ADAMTS8: variants seen among roughly 807,000 people sequenced by gnomAD.
The protein encoded by ADAMTS8 is A disintegrin and metalloproteinase with thrombospondin motifs 8.
ADAMTS8 carries 50 observed loss-of-function variants against 64.4 expected under a neutral mutation model. The ratio of observed to expected loss-of-function variants is 0.78; its 90% CI spans 0.62 to 0.98. The LOEUF (loss-of-function observed/expected upper bound fraction) is 0.98, where lower values mean the gene tolerates loss of function less well. ADAMTS8 is among the 50% of genes least tolerant of loss of function. The pLI, the probability that ADAMTS8 is intolerant of heterozygous loss-of-function variation, is 0.00. For synonymous variants in ADAMTS8, 556 were observed against 533.6 expected, an observed-to-expected ratio of 1.04 and a Z score of -0.58; for missense variants, 1,192 against 1,208.2, an observed-to-expected ratio of 0.99 and a Z score of 0.20.
chr11:130,423,247 T>C (rs1862122882), intron 1 of ADAMTS8, among the ~76,000 whole-genome samples: 1 of 152,222 alleles, frequency 6.6e-6, no homozygotes, highest in Non-Finnish European at 1.5e-5. Flanking sequence ...CTTTGGACAC[T>C]GAGACATTTT....
rs772208859 is a variant in ADAMTS8, at chr11:130,427,994, C to CGCA, written c.290_292dup (p.Leu97dup). ...CACGGTGCCGGAGAAGAAGCAGCCG[C>CGCA]GCAGCCCCCGCTCGCCCCCGGTCGC... On this transcript the variant is annotated inframe_insertion, in exon 1 of 9. Transcript: ENST00000257359. The CGCA allele has an allele frequency of 6.5e-7, 1 of 1,528,236 alleles. No homozygotes were observed. Among genetic ancestry groups the CGCA allele is most frequent in the South Asian group, 1.2e-5 (1 of 83,616 alleles). The allele number at this position is 1,528,236 out of a possible 1,614,324, so 94.7% of individuals were successfully genotyped here.
At chr11:130,425,815 A>G (rs953911046) in intron 1 of ADAMTS8, among the ~76,000 whole-genome samples, 3 of 151,686 alleles carry the variant, frequency 2.0e-5, no homozygotes, top group Non-Finnish European at 2.9e-5. Context: ...GTTAGCCAGG[A>G]TGGTCTTGAT....
chr11:130,423,183 C>T (rs559444846), intron 1 of ADAMTS8, among the ~76,000 whole-genome samples: 9 of 152,338 alleles, frequency 5.9e-5, no homozygotes, highest in East Asian at 1.9e-4. Context: ...GCAGCAAGTC[C>T]GCCTGTCATT....
chr11:130,405,140 TC>T lies in ADAMTS8; in HGVS notation c.*417del. 1.0e-6 allele frequency: 1 copy of T among 996,744 alleles called. No homozygotes were observed. Among genetic ancestry groups the T allele is most frequent in the Non-Finnish European group, 1.2e-6 (1 of 837,202 alleles). The allele number at this position is 996,744 out of a possible 1,614,324, so 61.7% of individuals were successfully genotyped here. On this transcript the variant is annotated 3_prime_UTR_variant, in exon 9 of 9. Transcript: ENST00000257359. ...GCCTGCTTTGACATTCACCATTGAC[TC>T]CCTGCCCCACGCCTCTCTTGTACTA...
At chr11:130,409,819 G>A (rs922089401) in intron 6 of ADAMTS8, among the ~76,000 whole-genome samples, 2 of 152,210 alleles carry the variant, frequency 1.3e-5, no homozygotes, top group African/African-American at 2.4e-5. Context: ...AAGGTTCCCT[G>A]CCCAAACTGT....
chr11:130,415,624 A>T (rs1398778656), intron 4 of ADAMTS8, among the ~76,000 whole-genome samples: 18 of 19,306 alleles, frequency 9.3e-4, no homozygotes, highest in South Asian at 2.3e-3. Context: ...TTTTTTTTTT[A>T]AAGAGATAGC....
chr11:130,416,089 G>A lies in ADAMTS8; in HGVS notation c.1264+74C>T. 1 of 1,460,736 alleles carries A rather than the reference G, an allele frequency of 6.8e-7. No individual in the cohort carries two copies. Among genetic ancestry groups the A allele is most frequent in the Non-Finnish European group, 9.1e-7 (1 of 1,099,268 alleles). 90.5% of individuals were successfully genotyped at this position (1,460,736 alleles called of 1,614,324 possible). A position where few individuals can be genotyped will look rare whatever the true frequency, so the allele number is the denominator to read the frequency against. Reference sequence around the variant, plus strand: ...AAGGGCCCTGTGAGGAGGCACAGCTGGAGGGGGTCTCTGCGCCAGCACCAG... The same window carrying A: ...AAGGGCCCTGTGAGGAGGCACAGCTAGAGGGGGTCTCTGCGCCAGCACCAG... On this transcript the variant is annotated intron_variant, in intron 4 of 8. Coordinates refer to ENST00000257359, the MANE Select transcript of ADAMTS8 (RefSeq NM_007037.6). This position sits in a 1 kb window ranked among gnomAD's most constrained non-coding sequence, Gnocchi z 4.8.
At position 130,411,427 on chromosome 11, in the gene ADAMTS8, G is replaced by A. The variant is rs1401501905; in HGVS notation, c.1740C>T (p.Cys580=). ...CTGAGTGGTAATTACCGTCAGGGGG[G>A]CATTCCTCCGTGTGGCATGACTGGT... ...AKYQSCHTEE[C]PPDGKSFREQ... The change falls in exon 6 of 9, where the codon TGC becomes TGT. Residue 580 remains cysteine (C), a synonymous_variant. Transcript: ENST00000257359. This position sits in a 1 kb window ranked among gnomAD's most constrained non-coding sequence, Gnocchi z 4.2. 6.2e-7 allele frequency: 1 copy of A among 1,613,940 alleles called. No individual in the cohort carries two copies. Among genetic ancestry groups the A allele is most frequent in the Admixed American group, 1.7e-5 (1 of 60,014 alleles).
At position 130,428,586 on chromosome 11, in the gene ADAMTS8, C is replaced by T; in HGVS notation, c.-300G>A. ...CCAGCCCCGCGCAGCCGCCTCCTGC[C>T]TCCTCCCCACCCCGGGAAGCACCGA... On this transcript the variant is annotated 5_prime_UTR_variant, in exon 1 of 9. Coordinates refer to ENST00000257359, the MANE Select transcript of ADAMTS8 (RefSeq NM_007037.6). 3.2e-6 allele frequency: 1 copy of T among 312,208 alleles called. No homozygotes were observed. Among genetic ancestry groups the T allele is most frequent in the Non-Finnish European group, 4.7e-6 (1 of 214,214 alleles). 19.3% of individuals were successfully genotyped at this position (312,208 alleles called of 1,614,324 possible).
At chr11:130,422,671 C>T (rs1862115911) in intron 1 of ADAMTS8, among the ~76,000 whole-genome samples, 1 of 152,226 alleles carries the variant, frequency 6.6e-6, no homozygotes. Context: ...GCTTCATCTC[C>T]TCTTGTTCTG....
intron 4 of ADAMTS8, 66 bp from the exon 5 acceptor site, chr11:130,414,898 G>T: frequency 6.9e-7 from 1 of 1,450,356 alleles, no homozygotes. Flanking sequence ...GCTCTTCATG[G>T]CCTGTGATGG....
chr11:130,408,481 C>G lies in ADAMTS8; in HGVS notation c.2082G>C (p.Gly694=). Residue 694 remains glycine, a synonymous_variant, in exon 8 of 9, where the codon GGG becomes GGC. Coordinates refer to ENST00000257359, the MANE Select transcript of ADAMTS8 (RefSeq NM_007037.6). ...GKGNSCRKVS[G]SLTPTNYGYN... is the part of the protein sequence containing the mutation. The stretch of plus-strand genomic sequence containing the variant: ...AGACTCACTTGGTGGGGGTGAGGGA[C>G]CCGGAGACCTTCCTGCAGGAGTTGC... The G allele has an allele frequency of 6.2e-7, 1 of 1,613,714 alleles. No homozygotes were observed. Among genetic ancestry groups the G allele is most frequent in the Non-Finnish European group, 8.5e-7 (1 of 1,180,016 alleles).
At chr11:130,410,888 C>T (rs1861943693) in intron 6 of ADAMTS8, among the ~76,000 whole-genome samples, 1 of 152,200 alleles carries the variant, frequency 6.6e-6, no homozygotes, top group African/African-American at 2.4e-5. Flanking sequence ...ATGGGCAACT[C>T]TTCTCAGAAG....
chr11:130,420,589 A>G (rs1419433578), intron 1 of ADAMTS8, among the ~76,000 whole-genome samples: 1 of 152,038 alleles, frequency 6.6e-6, no homozygotes, highest in Admixed American at 6.6e-5. Flanking sequence ...GAGAAAGGAA[A>G]GGGTAGAGAG....
At chr11:130,418,362 G>T (rs1419230184) in intron 2 of ADAMTS8, among the ~76,000 whole-genome samples, 1 of 152,152 alleles carries the variant, frequency 6.6e-6, no homozygotes, top group African/African-American at 2.4e-5. Context: ...CCTAGGGCTG[G>T]CTGCATCCTA....
intron 5 of ADAMTS8, among the ~76,000 whole-genome samples, chr11:130,412,652 T>C (rs1363527956): frequency 6.6e-6 from 1 of 152,056 alleles, no homozygotes; most frequent in African/African-American, 2.4e-5. Flanking sequence ...ATACGACAAA[T>C]AAAAAAATGC....
In ADAMTS8 at chr11:130,416,478, G is replaced by C. The variant is rs1369723625; in HGVS notation, c.1097-148C>G. 1.1e-6 allele frequency: 1 copy of C among 903,262 alleles called. No individual in the cohort carries two copies. The highest frequency in any genetic ancestry group is 1.6e-6 in the Non-Finnish European group (1 of 620,746). 56.0% of individuals were successfully genotyped at this position (903,262 alleles called of 1,614,324 possible). ...TGCGTAGGGCTTTCCCCTGCGCTTTGCTCTTCCAGGACGCGTTCTCAGATG... is the reference window on the plus strand; with the variant it reads ...TGCGTAGGGCTTTCCCCTGCGCTTTCCTCTTCCAGGACGCGTTCTCAGATG... On this transcript the variant is annotated intron_variant, in intron 3 of 8. Coordinates refer to ENST00000257359, the MANE Select transcript of ADAMTS8 (RefSeq NM_007037.6). The surrounding 1 kb of genome is among the most constrained non-coding windows in gnomAD (Gnocchi z 4.8).
Position 130,411,426 on chromosome 11 carries a change from G to A in ADAMTS8, c.1741C>T (p.Pro581Ser), listed in dbSNP as rs541897418. 1.4e-5 allele frequency: 22 copies of A among 1,613,956 alleles called. No homozygotes were observed. Among genetic ancestry groups the A allele is most frequent in the Middle Eastern group, 1.6e-4 (1 of 6,062 alleles). ...CCTGAGTGGTAATTACCGTCAGGGG[G>A]GCATTCCTCCGTGTGGCATGACTGG... ...KYQSCHTEEC[P>S]PDGKSFREQQ... The change falls in exon 6 of 9, where the codon CCC becomes TCC. Residue 581 changes from proline to serine, a missense_variant. Transcript: ENST00000257359. The surrounding 1 kb of genome is among the most constrained non-coding windows in gnomAD (Gnocchi z 4.2).
At position 130,416,210 on chromosome 11, in the gene ADAMTS8, G is replaced by C. The variant is rs201994258; in HGVS notation, c.1217C>G (p.Ser406Cys). The change falls in exon 4 of 9, where the codon TCC becomes TGC. Residue 406 changes from serine (S) to cysteine (C), a missense_variant. This residue lies in a region of ADAMTS8 where 741 missense variants were observed against 710.6 expected (regional missense o/e 1.04). Coordinates refer to ENST00000257359, the MANE Select transcript of ADAMTS8 (RefSeq NM_007037.6). The surrounding 1 kb of genome is among the most constrained non-coding windows in gnomAD (Gnocchi z 4.8). ...TGTGAGATACATGGCGCTGCAGGGGGACCAGGGCAGCGTCTGGTTCAGGTG... is the reference window on the plus strand; with the variant it reads ...TGTGAGATACATGGCGCTGCAGGGGCACCAGGGCAGCGTCTGGTTCAGGTG... ...FVHLNQTLPW[S>C]PCSAMYLTEL... 9.5e-5 allele frequency: 152 copies of C among 1,597,380 alleles called. No homozygotes were observed. The highest frequency in any genetic ancestry group is 1.2e-4 in the Non-Finnish European group (140 of 1,172,712).
Sources: gnomAD v4.1 joint callset for allele counts (sites outside exome capture counted in the v4.1 genomes callset) on GRCh38, gnomAD v4.1.1 for gene constraint, gnomAD v4.1.1 regional missense constraint, Gnocchi (gnomAD v3.1) non-coding constraint, MANE v1.5 for transcripts, NCBI Gene and HGNC (gene_info 2026-07-23, HGNC 2026-07-21) for gene names.